COMMD7: variants seen among roughly 807,000 people sequenced by gnomAD.
The protein encoded by COMMD7 is COMM domain containing 7, also known as COMM domain-containing protein 7.
Under a neutral mutation model 34.8 loss-of-function variants are expected in COMMD7, and 28 were observed. That is an observed-to-expected ratio of 0.80 (90% confidence interval 0.60 to 1.10). The LOEUF (loss-of-function observed/expected upper bound fraction) is 1.10, where lower values mean the gene tolerates loss of function less well. Ranked by LOEUF, COMMD7 falls within the 50% of genes least tolerant of loss-of-function variation. COMMD7 has a pLI of 0.00. For synonymous variants in COMMD7, 80 were observed against 86.4 expected (o/e 0.93, Z 0.41); for missense variants, 211 against 241.6 (o/e 0.87, Z 0.84).
chr20:32,735,794 C>T (rs952498038), intron 1 of COMMD7, among the ~76,000 whole-genome samples: 2 of 152,176 alleles, frequency 1.3e-5, no homozygotes, highest in African/African-American at 4.8e-5. Context: ...TACAGACATG[C>T]TGTACCATAC....
At chr20:32,721,913 T>C (rs1159045201) in intron 3 of COMMD7, among the ~76,000 whole-genome samples, 1 of 135,378 alleles carries the variant, frequency 7.4e-6, no homozygotes, top group African/African-American at 2.8e-5. Context: ...AAAAAAAAAT[T>C]AGCCGAGTGT....
intron 3 of COMMD7, among the ~76,000 whole-genome samples, chr20:32,726,062 CAAAAAA>C (rs34689858): frequency 5.6e-5 from 4 of 71,134 alleles, no homozygotes; most frequent in Admixed American, 3.7e-4. Context: ...AAGCCTGTCT[CAAAAAA>C]AAAAAAAAAA....
intron 1 of COMMD7, among the ~76,000 whole-genome samples, chr20:32,734,622 C>T (rs1434060136): frequency 6.6e-6 from 1 of 151,824 alleles, no homozygotes; most frequent in South Asian, 2.1e-4. Flanking sequence ...ATAGTAAGAC[C>T]TCATCTCTAA....
chr20:32,718,925 G>T (rs1295940902), intron 3 of COMMD7, among the ~76,000 whole-genome samples: 1 of 152,104 alleles, frequency 6.6e-6, no homozygotes, highest in Non-Finnish European at 1.5e-5. Flanking sequence ...GGCTGGGGTT[G>T]CGGGGAGAGT....
At chr20:32,716,245 G>A (rs1172217111) in intron 3 of COMMD7, among the ~76,000 whole-genome samples, 2 of 152,106 alleles carry the variant, frequency 1.3e-5, no homozygotes, top group African/African-American at 4.8e-5. Flanking sequence ...TTTGATAAGG[G>A]GGAAATTCCT....
At chr20:32,703,958 C>T in intron 8 of COMMD7, 65 bp downstream of exon 8, 1 of 1,611,788 alleles carries the variant, frequency 6.2e-7, no homozygotes, top group South Asian at 1.1e-5. Flanking sequence ...TGGTGAGCGT[C>T]ACCAGCCCCT....
intron 1 of COMMD7, among the ~76,000 whole-genome samples, chr20:32,728,746 T>A (rs891062882): frequency 6.6e-6 from 1 of 151,806 alleles, no homozygotes; most frequent in African/African-American, 2.4e-5. Flanking sequence ...TTTTTTTTAA[T>A]GTAGAGACAG....
At position 32,728,260 on chromosome 20, in the gene COMMD7, T is replaced by C. The variant is rs1398621611; in HGVS notation, c.85-118A>G. On this transcript the variant is annotated intron_variant, in intron 1 of 8. Coordinates refer to ENST00000278980, the MANE Select transcript of COMMD7 (RefSeq NM_053041.3). ...AACAGTAACAGCCAGGTGTTATGCC[T>C]GTTCTGATCATCCTATAGTTACAAA... is the stretch of plus-strand genomic sequence containing the variant. 16 of 857,624 alleles carry C rather than the reference T, an allele frequency of 1.9e-5. No homozygotes were observed. In the East Asian group the frequency reaches 3.4e-4, roughly 18 times the overall value. The allele number at this position is 857,624 out of a possible 1,614,324, so 53.1% of individuals were successfully genotyped here.
intron 3 of COMMD7, among the ~76,000 whole-genome samples, chr20:32,710,744 A>C (rs1984390013): frequency 2.0e-5 from 3 of 151,706 alleles, no homozygotes; most frequent in African/African-American, 7.3e-5. Flanking sequence ...AAAAAAAAAA[A>C]AAAATAGATG....
Position 32,717,321 on chromosome 20 carries a change from A to AT in COMMD7, c.242-10562dup, listed in dbSNP as rs59777332. On this transcript the variant is annotated intron_variant, in intron 3 of 8. Coordinates refer to ENST00000278980, the MANE Select transcript of COMMD7 (RefSeq NM_053041.3). ...AGGTGTGCACCACCATGCCCAGTTA[A>AT]TTTTTTTTTTTTTTTTTTTTTTAAG... is the stretch of plus-strand genomic sequence containing the variant. Among the ~76,000 whole-genome samples, 257 of 141,410 alleles carry AT rather than the reference A, an allele frequency of 1.8e-3. 2 individuals are homozygous for AT. Among genetic ancestry groups the AT allele is most frequent in the East Asian group, 0.013 (61 of 4,768 alleles). The allele number at this position is 141,410 out of a possible 152,430, so 92.8% of individuals were successfully genotyped here.
At chr20:32,734,542 T>C (rs1986034534) in intron 1 of COMMD7, among the ~76,000 whole-genome samples, 2 of 151,950 alleles carry the variant, frequency 1.3e-5, no homozygotes, top group South Asian at 4.1e-4. Flanking sequence ...TTTCTATATA[T>C]ATATAAAAAT....
At chr20:32,725,689 A>C (rs143736381) in intron 3 of COMMD7, among the ~76,000 whole-genome samples, 1,642 of 152,104 alleles carry the variant, frequency 0.011, 35 homozygotes, top group African/African-American at 0.038. Context: ...TGGCCTCCCA[A>C]AGTGCTGGGA....
chr20:32,715,486 A>AAAAT (rs1555823949), intron 3 of COMMD7, among the ~76,000 whole-genome samples: 27 of 149,910 alleles, frequency 1.8e-4, no homozygotes, highest in Admixed American at 2.7e-4. Flanking sequence ...CAGTCTCAAA[A>AAAAT]AAACAAACAA....
chr20:32,723,270 G>C (rs1432430610), intron 3 of COMMD7, among the ~76,000 whole-genome samples: 13 of 33,354 alleles, frequency 3.9e-4, no homozygotes, highest in East Asian at 3.3e-3. Context: ...TCAGCCTGCC[G>C]AGTGCCTGCG....
rs750483010 is a variant in COMMD7 at position 32,727,996 on chromosome 20, C to A, written c.139-1G>T. 1.2e-6 allele frequency: 2 copies of A among 1,613,852 alleles called. No individual in the cohort carries two copies. Among genetic ancestry groups the A allele is most frequent in the African/African-American group, 2.7e-5 (2 of 74,916 alleles). ...AGAGCTGAGCCAGAAATCTTTCCACCTGCAGAGAGAGAACAGTGAAAACCC... is the reference window on the plus strand; with the variant it reads ...AGAGCTGAGCCAGAAATCTTTCCACATGCAGAGAGAGAACAGTGAAAACCC... On this transcript the variant is annotated splice_acceptor_variant, in intron 2 of 8. Transcript: ENST00000278980. LOFTEE classifies it high-confidence loss of function.
intron 3 of COMMD7, among the ~76,000 whole-genome samples, chr20:32,707,288 A>AT (rs1555822499): frequency 1.2e-5 from 1 of 82,178 alleles, no homozygotes; most frequent in Non-Finnish European, 3.7e-5. Flanking sequence ...CGTCTCAAAA[A>AT]AAAAAAATAT....
At chr20:32,703,576 G>A in intron 8 of COMMD7, 118 bp from the exon 9 acceptor site, 1 of 1,465,192 alleles carries the variant, frequency 6.8e-7, no homozygotes, top group Non-Finnish European at 9.0e-7. Flanking sequence ...CATCTAAGCA[G>A]CTCTTGATGG....
At chr20:32,704,939 T>C (rs561545943) in intron 5 of COMMD7, 35 bp from the exon 6 acceptor site, 10 of 1,452,328 alleles carry the variant, frequency 6.9e-6, no homozygotes, top group Admixed American at 5.0e-5. Context: ...TCAATTACAA[T>C]AGGAAAATCT....
At position 32,703,325 on chromosome 20, in the gene COMMD7, C is replaced by T; in HGVS notation, c.*57G>A. 2 of 1,513,392 alleles carry T rather than the reference C, an allele frequency of 1.3e-6. No individual in the cohort carries two copies. The highest frequency in any genetic ancestry group is 1.8e-6 in the Non-Finnish European group (2 of 1,097,190). 93.7% of individuals were successfully genotyped at this position (1,513,392 alleles called of 1,614,324 possible). On this transcript the variant is annotated 3_prime_UTR_variant, in exon 9 of 9. Coordinates refer to ENST00000278980, the MANE Select transcript of COMMD7 (RefSeq NM_053041.3). ...TGAGTGAAGTGCCTCTCAGAGCAGT[C>T]ACCCAGGGAAGGGAGGAGGGCAGGG...
Sources: gnomAD v4.1 joint callset for allele counts (sites outside exome capture counted in the v4.1 genomes callset) on GRCh38, gnomAD v4.1.1 for gene constraint, MANE v1.5 for transcripts, NCBI Gene and HGNC (gene_info 2026-07-23, HGNC 2026-07-21) for gene names.